Variants in PTPRK observed in about 807,000 individuals in gnomAD.
PTPRK encodes protein tyrosine phosphatase receptor type K.
PTPRK carries 75 observed loss-of-function variants against 178.0 expected under a neutral mutation model. That is an observed-to-expected ratio of 0.42 (90% CI 0.35 to 0.51). The LOEUF is 0.51. Ranked by LOEUF, PTPRK falls within the 20% of genes least tolerant of loss-of-function variation. PTPRK has a pLI of 0.02. For missense variants in PTPRK, 1,441 were observed against 1,797.8 expected (o/e 0.80, Z 3.59); for synonymous variants, 637 against 620.6 (o/e 1.03, Z -0.39).
intron 1 of PTPRK, among the ~76,000 whole-genome samples, chr6:128,515,404 C>T (rs1423701437): frequency 6.6e-6 from 1 of 150,742 alleles, no homozygotes; most frequent in South Asian, 2.1e-4. Flanking sequence ...CTATGACAAA[C>T]AGCATGAGTT....
intron 3 of PTPRK, among the ~76,000 whole-genome samples, chr6:128,257,961 T>C (rs969640244): frequency 2.0e-5 from 3 of 152,140 alleles, no homozygotes; most frequent in Non-Finnish European, 4.4e-5. Context: ...CTCTGATTTG[T>C]AAATAGACCT....
At chr6:128,032,562 C>T (rs960470616) in intron 13 of PTPRK, among the ~76,000 whole-genome samples, 1 of 152,102 alleles carries the variant, frequency 6.6e-6, no homozygotes, top group African/African-American at 2.4e-5. Flanking sequence ...ACAGCCTATA[C>T]ATTTATTGTA....
chr6:128,261,501 AAC>A (rs1262858712), intron 3 of PTPRK, among the ~76,000 whole-genome samples: 5 of 152,168 alleles, frequency 3.3e-5, no homozygotes, highest in Admixed American at 2.0e-4. Flanking sequence ...AAATGTTTGT[AAC>A]ACAGTAAAAA....
intron 7 of PTPRK, among the ~76,000 whole-genome samples, chr6:128,122,187 A>C (rs1792581198): frequency 6.6e-6 from 1 of 152,160 alleles, no homozygotes; most frequent in Non-Finnish European, 1.5e-5. Flanking sequence ...CATTATTAAG[A>C]AGGAATTTTT....
chr6:128,449,212 C>T (rs1847441945), intron 1 of PTPRK, among the ~76,000 whole-genome samples: 1 of 152,128 alleles, frequency 6.6e-6, no homozygotes, highest in Non-Finnish European at 1.5e-5. Context: ...ATTTTTTAAA[C>T]ATAAGCAAAC....
chr6:128,164,604 A>G (rs1274886674), intron 7 of PTPRK, among the ~76,000 whole-genome samples: 1 of 151,354 alleles, frequency 6.6e-6, no homozygotes, highest in Non-Finnish European at 1.5e-5. Context: ...TTTAAAAAAC[A>G]CAGAACTAAA....
chr6:128,359,582 C>T lies in PTPRK; in HGVS notation c.224-37272G>A, dbSNP rs567103923. On this transcript the variant is annotated intron_variant, in intron 2 of 29. Transcript: ENST00000368226. ...GCCTAACCTATATGATGAAACCCCA[C>T]CTCTACTAAAAATACAAAAAGTAGC... Among the ~76,000 whole-genome samples, 158 of 151,470 alleles carry T rather than the reference C, an allele frequency of 1.0e-3. 1 individual carries two copies. The highest frequency in any genetic ancestry group is 3.6e-3 in the African/African-American group (150 of 41,316).
chr6:128,406,352 A>T (rs1301476453), intron 1 of PTPRK, among the ~76,000 whole-genome samples: 1 of 152,174 alleles, frequency 6.6e-6, no homozygotes, highest in African/African-American at 2.4e-5. Flanking sequence ...GACTAGGTTA[A>T]CATAGAAGGC....
rs541031903 is a variant in PTPRK at position 128,497,401 on chromosome 6, G to A, written c.100+22858C>T. Among the ~76,000 whole-genome samples the A allele has an allele frequency of 5.9e-5, 9 of 152,256 alleles. 1 individual carries two copies. The South Asian group carries it at 1.2e-3, about 21-fold the overall frequency. ...GAGGCAGGGCGATCCCTTGAGCCCA[G>A]GAGTTTGAGACCATCCTGGGCAACA... On this transcript the variant is annotated intron_variant, in intron 1 of 29. Coordinates refer to ENST00000368226, the MANE Select transcript of PTPRK (RefSeq NM_002844.4).
chr6:128,254,041 C>T (rs907347340), intron 3 of PTPRK, among the ~76,000 whole-genome samples: 1 of 152,058 alleles, frequency 6.6e-6, no homozygotes, highest in East Asian at 1.9e-4. Context: ...AAAGAGAATT[C>T]TCTACTTACA....
chr6:128,250,107 C>T (rs1816220194), intron 3 of PTPRK, among the ~76,000 whole-genome samples: 1 of 152,152 alleles, frequency 6.6e-6, no homozygotes, highest in African/African-American at 2.4e-5. Flanking sequence ...ATAAGAAGTG[C>T]CTTTCACCTT....
At chr6:128,418,121 T>C (rs1034415441) in intron 1 of PTPRK, among the ~76,000 whole-genome samples, 11 of 152,244 alleles carry the variant, frequency 7.2e-5, no homozygotes, top group African/African-American at 2.7e-4. Context: ...ATGAATTCCA[T>C]TTATTACAAA....
Position 128,240,164 on chromosome 6 carries a change from GAA to G in PTPRK, c.578-16_578-15del. On this transcript the variant is annotated splice_polypyrimidine_tract_variant and intron_variant, in intron 4 of 29. Transcript: ENST00000368226. ...GAGGAGATTTATCTGTGAAGGAAGG[GAA>G]AAAAAAATGTATTTGTTTTCACATG... 1 of 1,485,476 alleles carries G rather than the reference GAA, an allele frequency of 6.7e-7. No homozygotes were observed. Among genetic ancestry groups the G allele is most frequent in the Non-Finnish European group, 9.0e-7 (1 of 1,105,706 alleles). The allele number at this position is 1,485,476 out of a possible 1,614,324, so 92.0% of individuals were successfully genotyped here.
chr6:128,082,213 T>G (rs1049158936), intron 10 of PTPRK, among the ~76,000 whole-genome samples: 1 of 152,182 alleles, frequency 6.6e-6, no homozygotes, highest in Non-Finnish European at 1.5e-5. Context: ...GTATAATTTT[T>G]TTAAGACCAC....
At chr6:127,977,083 T>C (rs778484430) in intron 25 of PTPRK, 29 bp from the exon 26 acceptor site, 112 of 1,607,674 alleles carry the variant, frequency 7.0e-5, no homozygotes, top group Non-Finnish European at 8.8e-5. Context: ...GATGGAGAAA[T>C]ATAAAAACTT....
chr6:128,240,006 C>T, intron 5 of PTPRK, 29 bp downstream of exon 5: 1 of 1,532,352 alleles, frequency 6.5e-7, no homozygotes. Flanking sequence ...AAAGTATACT[C>T]TTTAGCTCAG....
intron 6 of PTPRK, among the ~76,000 whole-genome samples, chr6:128,209,222 A>C (rs1369640553): frequency 6.6e-6 from 1 of 152,148 alleles, no homozygotes; most frequent in Non-Finnish European, 1.5e-5. Context: ...TAAGTAACCT[A>C]CTTCAAAACT....
chr6:128,110,136 C>A (rs1490937912), intron 7 of PTPRK, among the ~76,000 whole-genome samples: 1 of 152,092 alleles, frequency 6.6e-6, no homozygotes, highest in African/African-American at 2.4e-5. Context: ...CTTGTCCAGA[C>A]TGGTCTTAAA....
At position 127,998,886 on chromosome 6, in the gene PTPRK, G is replaced by T; in HGVS notation, c.2513C>A (p.Thr838Lys). The part of the protein sequence containing the change: ...FSPRYENHSA[T>K]AESSRLLDVP... ...GTCTAGAAGGCGACTGGACTCTGCT[G>T]TAGCACTGTGGTTCTCATCTGGCAT... Residue 838 changes from threonine (T) to lysine (K), a missense_variant, in exon 16 of 30, where the codon ACA becomes AAA. Thr to Lys is a moderately conservative substitution (Grantham distance 78, BLOSUM62 -1). Transcript: ENST00000368226. 6.5e-7 allele frequency: 1 copy of T among 1,542,358 alleles called. No individual in the cohort carries two copies. The highest frequency in any genetic ancestry group is 1.2e-5 in the South Asian group (1 of 81,970).
Sources: allele counts gnomAD v4.1 joint callset (sites outside exome capture counted in the v4.1 genomes callset), GRCh38; gene constraint gnomAD v4.1.1; transcripts MANE v1.5; gene names NCBI Gene and HGNC (gene_info 2026-07-23, HGNC 2026-07-21).